The following RBFOX1 variants were observed in gnomAD, a reference collection of about 807,000 sequenced individuals.
The protein encoded by RBFOX1 is RNA binding protein fox-1 homolog 1.
Under a neutral mutation model 57.7 loss-of-function variants are expected in RBFOX1, and 8 were observed. The ratio of observed to expected loss-of-function variants is 0.14; its 90% CI spans 0.08 to 0.25. RBFOX1 has a LOEUF of 0.25. RBFOX1 is among the 10% of genes least tolerant of loss of function. The probability of loss-of-function intolerance (pLI) is 1.00; values close to 1 mark genes in which losing one functional copy is unlikely to be tolerated. For synonymous variants in RBFOX1, 326 were observed against 222.4 expected (o/e 1.47, Z -4.15); for missense variants, 611 against 548.5 (o/e 1.11, Z -1.14).
intron 4 of RBFOX1, among the ~76,000 whole-genome samples, chr16:7,362,145 T>A (rs969845577): frequency 3.3e-5 from 5 of 151,346 alleles, no homozygotes; most frequent in Admixed American, 2.0e-4. Context: ...TGTTAGTGTA[T>A]GTGTGTTAGT....
chr16:6,666,651 A>G (rs1033255975), intron 3 of RBFOX1, among the ~76,000 whole-genome samples: 3 of 152,064 alleles, frequency 2.0e-5, no homozygotes, highest in Admixed American at 6.5e-5. Flanking sequence ...TCTAGGCTGT[A>G]CTGCCTCTTC....
intron 1 of RBFOX1, among the ~76,000 whole-genome samples, chr16:5,313,712 T>C (rs1034399356): frequency 6.6e-6 from 1 of 151,984 alleles, no homozygotes; most frequent in Non-Finnish European, 1.5e-5. Flanking sequence ...AACCATCAGA[T>C]CTCCTGAGAC....
intron 4 of RBFOX1, chr16:7,304,478 T>A (rs2096122829): frequency 3.0e-6 from 3 of 985,042 alleles, no homozygotes; most frequent in Non-Finnish European, 3.6e-6. Flanking sequence ...TTTATGTACT[T>A]ACAGCAGGTA....
chr16:6,906,724 A>AC (rs2070069471), intron 3 of RBFOX1, among the ~76,000 whole-genome samples: 1 of 141,914 alleles, frequency 7.0e-6, no homozygotes, highest in South Asian at 2.3e-4. Flanking sequence ...TTGCAGAACT[A>AC]TTTTTTTTTT....
chr16:6,603,800 T>G (rs897723790), intron 2 of RBFOX1, among the ~76,000 whole-genome samples: 1 of 152,190 alleles, frequency 6.6e-6, no homozygotes, highest in African/African-American at 2.4e-5. Flanking sequence ...CTTTTTTATT[T>G]CTCGTCCTGC....
chr16:7,282,848 T>G (rs1430979292), intron 4 of RBFOX1, among the ~76,000 whole-genome samples: 1 of 152,218 alleles, frequency 6.6e-6, no homozygotes, highest in Non-Finnish European at 1.5e-5. Flanking sequence ...TTTCCATTCC[T>G]GAGTTACTTC....
At chr16:5,388,768 G>A (rs2066323132) in intron 1 of RBFOX1, among the ~76,000 whole-genome samples, 1 of 151,732 alleles carries the variant, frequency 6.6e-6, no homozygotes, top group Non-Finnish European at 1.5e-5. Flanking sequence ...ATAGAGACAG[G>A]GTTTCACCAT....
intron 1 of RBFOX1, among the ~76,000 whole-genome samples, chr16:6,027,125 G>A (rs1458091450): frequency 6.6e-6 from 1 of 152,172 alleles, no homozygotes; most frequent in Non-Finnish European, 1.5e-5. Flanking sequence ...ATGAGGGTGA[G>A]GACTTGAGGT....
intron 3 of RBFOX1, among the ~76,000 whole-genome samples, chr16:7,000,616 T>C (rs931864578): frequency 2.8e-5 from 4 of 140,944 alleles, no homozygotes; most frequent in African/African-American, 1.1e-4. Flanking sequence ...TTTTTTTTTT[T>C]TGAGACAGAG....
intron 1 of RBFOX1, among the ~76,000 whole-genome samples, chr16:6,027,931 A>T (rs773989700): frequency 3.9e-5 from 6 of 152,210 alleles, no homozygotes; most frequent in Non-Finnish European, 8.8e-5. Flanking sequence ...CAGCAGCCAT[A>T]TGCATGGGCT....
chr16:7,202,893 T>C (rs751546511), intron 4 of RBFOX1, among the ~76,000 whole-genome samples: 10 of 152,058 alleles, frequency 6.6e-5, no homozygotes, highest in South Asian at 2.1e-4. Flanking sequence ...CTCAAAGAAA[T>C]GTTCTTTTTT....
chr16:5,317,114 T>C (rs1418548715), intron 1 of RBFOX1, among the ~76,000 whole-genome samples: 4 of 152,096 alleles, frequency 2.6e-5, no homozygotes, highest in African/African-American at 4.8e-5. Flanking sequence ...TCTTCCCTGG[T>C]TTTCCAGCAT....
At chr16:7,592,923 C>A (rs928755802) in intron 7 of RBFOX1, among the ~76,000 whole-genome samples, 3 of 151,690 alleles carry the variant, frequency 2.0e-5, no homozygotes, top group African/African-American at 7.3e-5. Context: ...GCAATGAATG[C>A]TCCCACCTCA....
intron 1 of RBFOX1, among the ~76,000 whole-genome samples, chr16:5,463,795 C>G (rs2068868678): frequency 7.0e-6 from 1 of 143,456 alleles, no homozygotes. Flanking sequence ...GTGAGACTGT[C>G]TCGAAAAAAA....
chr16:6,351,202 T>A (rs1286130902), intron 2 of RBFOX1, among the ~76,000 whole-genome samples: 1 of 151,770 alleles, frequency 6.6e-6, no homozygotes, highest in Non-Finnish European at 1.5e-5. Context: ...TATTTTCATG[T>A]GTGCGGATAG....
chr16:5,959,757 A>G (rs1207145172), intron 4 of RBFOX1, among the ~76,000 whole-genome samples: 1 of 152,206 alleles, frequency 6.6e-6, no homozygotes, highest in African/African-American at 2.4e-5. Context: ...GGTTGTAGTG[A>G]GCCGAGATCG....
chr16:7,247,250 G>A (rs1010352152), intron 4 of RBFOX1, among the ~76,000 whole-genome samples: 4 of 152,090 alleles, frequency 2.6e-5, no homozygotes, highest in Non-Finnish European at 4.4e-5. Flanking sequence ...TTGTGCAAAC[G>A]CCTTCAAGCC....
chr16:6,290,645 G>A (rs543844699), intron 1 of RBFOX1, among the ~76,000 whole-genome samples: 59 of 152,288 alleles, frequency 3.9e-4, no homozygotes, highest in African/African-American at 1.4e-3. Context: ...ACACATGGGC[G>A]AAAAAGGAAA....
chr16:6,376,058 A>T (rs2091135034), intron 2 of RBFOX1, among the ~76,000 whole-genome samples: 1 of 152,004 alleles, frequency 6.6e-6, no homozygotes, highest in Non-Finnish European at 1.5e-5. Context: ...ACATTCCTTG[A>T]CTTCTCAGAG....
Sources: gnomAD v4.1 joint callset for allele counts (sites outside exome capture counted in the v4.1 genomes callset) on GRCh38, gnomAD v4.1.1 for gene constraint, MANE v1.5 for transcripts, NCBI Gene and HGNC (gene_info 2026-07-23, HGNC 2026-07-21) for gene names.